TAF4: variants seen among roughly 807,000 people sequenced by gnomAD.
TAF4 encodes transcription initiation factor TFIID subunit 4.
In TAF4, 9 loss-of-function variants were observed where a neutral mutation model predicts 90.3. That is an observed-to-expected ratio of 0.10 (90% confidence interval 0.06 to 0.17). The LOEUF (loss-of-function observed/expected upper bound fraction) is 0.17, where lower values mean the gene tolerates loss of function less well. Among genes scored for constraint, TAF4 ranks in the 10% least tolerant of loss-of-function variants. TAF4 has a pLI of 1.00. For synonymous variants in TAF4, 818 were observed against 638.9 expected (o/e 1.28, Z -4.23); for missense variants, 1,351 against 1,370.7 (o/e 0.99, Z 0.23).
intron 2 of TAF4, among the ~76,000 whole-genome samples, chr20:62,013,424 A>G (rs1375173014): frequency 6.6e-6 from 1 of 152,246 alleles, no homozygotes; most frequent in African/African-American, 2.4e-5. Flanking sequence ...ACTGACATGG[A>G]AAGAGCAGAT....
intron 1 of TAF4, among the ~76,000 whole-genome samples, chr20:62,052,514 C>A (rs2056035073): frequency 6.6e-6 from 1 of 152,068 alleles, no homozygotes; most frequent in East Asian, 1.9e-4. Context: ...CAGCTCCACA[C>A]CCCAGCCCCA....
At chr20:62,027,705 A>T (rs867314348) in intron 1 of TAF4, among the ~76,000 whole-genome samples, 2 of 152,156 alleles carry the variant, frequency 1.3e-5, no homozygotes, top group African/African-American at 4.8e-5. Context: ...TTGGATTCCT[A>T]AAAAAATCAT....
chr20:62,049,984 A>G (rs925746567), intron 1 of TAF4, among the ~76,000 whole-genome samples: 3 of 152,150 alleles, frequency 2.0e-5, no homozygotes, highest in Non-Finnish European at 2.9e-5. Context: ...CCCACGGAGC[A>G]GCCTGTCCCC....
chr20:62,029,486 G>GCGCACACACACACACA (rs148456376), intron 1 of TAF4, among the ~76,000 whole-genome samples: 17 of 146,188 alleles, frequency 1.2e-4, no homozygotes, highest in African/African-American at 4.4e-4. Context: ...GCGCGCGCGC[G>GCGCACACACACACACA]CACACACACA....
intron 12 of TAF4, among the ~76,000 whole-genome samples, chr20:61,998,756 C>T (rs1008231311): frequency 2.6e-5 from 4 of 152,184 alleles, no homozygotes; most frequent in Admixed American, 6.5e-5. Flanking sequence ...CTGTGTGGAG[C>T]GTGAGGTGCT....
chr20:62,042,250 CAGG>C lies in TAF4; in HGVS notation c.1360+22198_1360+22200del, dbSNP rs1321416024. Reference sequence around the variant, plus strand: ...GAGAGGGGTTTGGCTGGGCACCGTCCAGGAGGAGATCGGCTGCGGGACGGCTGA... The same window carrying C: ...GAGAGGGGTTTGGCTGGGCACCGTCCAGGAGATCGGCTGCGGGACGGCTGA... On this transcript the variant is annotated intron_variant, in intron 1 of 14. Transcript: ENST00000252996. Among the ~76,000 whole-genome samples, 5 of 152,192 alleles carry C rather than the reference CAGG, an allele frequency of 3.3e-5. No individual in the cohort carries two copies. In the East Asian group the frequency reaches 7.7e-4, roughly 23 times the overall value.
chr20:61,985,991 T>C (rs78336128), intron 14 of TAF4, among the ~76,000 whole-genome samples: 66,134 of 98,064 alleles, frequency 0.67, 19,020 homozygotes, highest in Middle Eastern at 0.75. Context: ...TCAAAGGAAA[T>C]ACCATCCCCA....
chr20:61,979,692 G>C (rs1224094175), intron 14 of TAF4, among the ~76,000 whole-genome samples: 46 of 118,076 alleles, frequency 3.9e-4, no homozygotes, highest in Middle Eastern at 6.8e-3. Context: ...GTGCAGGCGC[G>C]ATGGCCACTC....
In TAF4 at chr20:62,006,778, C is replaced by T. The variant is rs923266938; in HGVS notation, c.1975-20G>A. 11 of 1,464,552 alleles carry T rather than the reference C, an allele frequency of 7.5e-6. No individual in the cohort carries two copies. The highest frequency in any genetic ancestry group is 2.5e-5 in the East Asian group (1 of 39,694). 90.7% of individuals were successfully genotyped at this position (1,464,552 alleles called of 1,614,324 possible). ...GCTCCTCTGGGTGGAAAGACAGACA[C>T]GAGGGGTCAGGCGGCTGCTCATGCG... On this transcript the variant is annotated intron_variant, in intron 6 of 14. Transcript: ENST00000252996. This position sits in a 1 kb window ranked among gnomAD's most constrained non-coding sequence, Gnocchi z 7.0.
chr20:62,022,641 G>A (rs2055850031), intron 1 of TAF4, among the ~76,000 whole-genome samples: 1 of 152,248 alleles, frequency 6.6e-6, no homozygotes. Flanking sequence ...TCTCTAAGCG[G>A]GTGCTGTGCT....
At chr20:62,013,271 C>G (rs1214068388) in intron 2 of TAF4, among the ~76,000 whole-genome samples, 1 of 152,232 alleles carries the variant, frequency 6.6e-6, no homozygotes, top group Non-Finnish European at 1.5e-5. Context: ...CAAAGGCAGA[C>G]GGCCAGTCAG....
intron 14 of TAF4, among the ~76,000 whole-genome samples, chr20:61,984,044 G>A (rs1269412472): frequency 6.6e-6 from 1 of 152,178 alleles, no homozygotes; most frequent in Non-Finnish European, 1.5e-5. Flanking sequence ...GAGATGCGAC[G>A]AGACAGAAAC....
rs1478041798 is a variant in TAF4, at chr20:62,065,876, C to T, written c.-66G>A. On this transcript the variant is annotated 5_prime_UTR_variant, in exon 1 of 15. Coordinates refer to ENST00000252996, the MANE Select transcript of TAF4 (RefSeq NM_003185.4). ...AGCGCGCCTGGGCGAGGAGGAGGTT[C>T]CGACTGGGGCGGGCGCTGGGCGGGC... The T allele has an allele frequency of 1.9e-6, 2 of 1,081,032 alleles. No individual in the cohort carries two copies. Among genetic ancestry groups the T allele is most frequent in the Non-Finnish European group, 2.3e-6 (2 of 883,686 alleles). The allele number at this position is 1,081,032 out of a possible 1,614,324, so 67.0% of individuals were successfully genotyped here. A position where few individuals can be genotyped will look rare whatever the true frequency, so the allele number is the denominator to read the frequency against.
chr20:62,045,086 G>A (rs1397711029), intron 1 of TAF4, among the ~76,000 whole-genome samples: 2 of 152,220 alleles, frequency 1.3e-5, no homozygotes, highest in Non-Finnish European at 2.9e-5. Context: ...TCACAACGCC[G>A]ACATGAAAAC....
At chr20:62,062,052 T>C (rs2056091775) in intron 1 of TAF4, among the ~76,000 whole-genome samples, 2 of 152,286 alleles carry the variant, frequency 1.3e-5, no homozygotes, top group African/African-American at 2.4e-5. Context: ...CCCCATCCAA[T>C]TGCCACCCGT....
At chr20:62,060,314 C>T (rs1305887580) in intron 1 of TAF4, among the ~76,000 whole-genome samples, 3 of 152,258 alleles carry the variant, frequency 2.0e-5, no homozygotes, top group African/African-American at 7.2e-5. Flanking sequence ...GAACTTCAAA[C>T]GTCATCCTCT....
intron 9 of TAF4, among the ~76,000 whole-genome samples, chr20:62,002,725 G>A (rs7270777): frequency 0.021 from 3,179 of 152,194 alleles, 40 homozygotes; most frequent in Middle Eastern, 0.054. Context: ...AAACTCCCGG[G>A]CTCAAGCGAT....
intron 14 of TAF4, 35 bp downstream of exon 14, chr20:61,997,515 T>C: frequency 1.3e-6 from 2 of 1,517,330 alleles, no homozygotes; most frequent in Non-Finnish European, 1.8e-6. Flanking sequence ...TCCCCATGTT[T>C]CCCCCAGGAC....
chr20:62,012,779 C>T lies in TAF4; in HGVS notation c.1641+36G>A, dbSNP rs755282004. On this transcript the variant is annotated intron_variant, in intron 3 of 14. Transcript: ENST00000252996. Reference sequence around the variant, plus strand: ...TCAAAGAAATCACACTTCGTGGCCCCTGCAGCCTCAAGAGATCCGCCGCCT... The same window carrying T: ...TCAAAGAAATCACACTTCGTGGCCCTTGCAGCCTCAAGAGATCCGCCGCCT... 12 of 1,588,546 alleles carry T rather than the reference C, an allele frequency of 7.6e-6. No homozygotes were observed. In the Admixed American group the frequency reaches 1.3e-4, roughly 17 times the overall value.
Sources: allele counts gnomAD v4.1 joint callset (sites outside exome capture counted in the v4.1 genomes callset), GRCh38; gene constraint gnomAD v4.1.1; non-coding constraint Gnocchi (gnomAD v3.1); transcripts MANE v1.5; gene names NCBI Gene and HGNC (gene_info 2026-07-23, HGNC 2026-07-21).